PACSIN1: variants seen among roughly 807,000 people sequenced by gnomAD.
The protein encoded by PACSIN1 is protein kinase C and casein kinase substrate in neurons 1, also known as protein kinase C and casein kinase substrate in neurons protein 1.
In PACSIN1, 15 loss-of-function variants were observed where a neutral mutation model predicts 59.5. The ratio of observed to expected loss-of-function variants is 0.25; its 90% CI spans 0.17 to 0.39. The LOEUF is 0.39. Among genes scored for constraint, PACSIN1 ranks in the 10% least tolerant of loss-of-function variants. PACSIN1 has a pLI of 1.00. For synonymous variants in PACSIN1, 210 were observed against 220.6 expected, an observed-to-expected ratio of 0.95 and a Z score of 0.42; for missense variants, 420 against 580.2, an observed-to-expected ratio of 0.72 and a Z score of 2.84.
intron 1 of PACSIN1, among the ~76,000 whole-genome samples, chr6:34,510,261 C>T (rs1379297694): frequency 3.9e-5 from 6 of 152,238 alleles, no homozygotes; most frequent in African/African-American, 9.6e-5. Context: ...CACTTCTCCA[C>T]GTAAAAACCA....
chr6:34,521,889 C>T lies in PACSIN1; in HGVS notation c.-63-4354C>T, dbSNP rs1767398945. Reference sequence around the variant, plus strand: ...AGAGAGCCACACACGGTCTCACAGCCCATACATGAGAGAGCCAGGGTTTGA... The same window carrying T: ...AGAGAGCCACACACGGTCTCACAGCTCATACATGAGAGAGCCAGGGTTTGA... On this transcript the variant is annotated intron_variant, in intron 1 of 9. Coordinates refer to ENST00000244458, the MANE Select transcript of PACSIN1 (RefSeq NM_020804.5). The surrounding 1 kb of genome is among the most constrained non-coding windows in gnomAD (Gnocchi z 4.3). Among the ~76,000 whole-genome samples the T allele has an allele frequency of 6.6e-6, 1 of 152,128 alleles. No individual in the cohort carries two copies. Among genetic ancestry groups the T allele is most frequent in the East Asian group, 1.9e-4 (1 of 5,190 alleles).
chr6:34,530,648 G>A lies in PACSIN1; in HGVS notation c.1037+61G>A, dbSNP rs1309400507. ...GGGACCCACACTCTGGGGCAGCTGAGTTTTGCTTCAGAAGACAAGAAATGG... is the reference window on the plus strand; with the variant it reads ...GGGACCCACACTCTGGGGCAGCTGAATTTTGCTTCAGAAGACAAGAAATGG... On this transcript the variant is annotated intron_variant, in intron 8 of 9. Coordinates refer to ENST00000244458, the MANE Select transcript of PACSIN1 (RefSeq NM_020804.5). This position sits in a 1 kb window ranked among gnomAD's most constrained non-coding sequence, Gnocchi z 4.4. 3.9e-5 allele frequency: 57 copies of A among 1,463,300 alleles called. No individual in the cohort carries two copies. The highest frequency in any genetic ancestry group is 4.3e-5 in the Non-Finnish European group (47 of 1,103,454). 90.6% of individuals were successfully genotyped at this position (1,463,300 alleles called of 1,614,324 possible).
In PACSIN1 at chr6:34,529,563, G is replaced by A. The variant is rs1208960258; in HGVS notation, c.612+11G>A. The A allele has an allele frequency of 2.5e-6, 4 of 1,614,002 alleles. No homozygotes were observed. Among genetic ancestry groups the A allele is most frequent in the South Asian group, 2.2e-5 (2 of 91,082 alleles). On this transcript the variant is annotated intron_variant, in intron 5 of 9. Coordinates refer to ENST00000244458, the MANE Select transcript of PACSIN1 (RefSeq NM_020804.5). This position sits in a 1 kb window ranked among gnomAD's most constrained non-coding sequence, Gnocchi z 6.3. Reference sequence around the variant, plus strand: ...CAGGATGTGCAGAAGGTGCTGGCGGGCAGGGATGGCAGTAGGGGGTCTGGG... The same window carrying A: ...CAGGATGTGCAGAAGGTGCTGGCGGACAGGGATGGCAGTAGGGGGTCTGGG...
intron 1 of PACSIN1, among the ~76,000 whole-genome samples, chr6:34,475,804 T>C (rs894602559): frequency 7.2e-5 from 11 of 152,154 alleles, no homozygotes; most frequent in African/African-American, 2.2e-4. Context: ...CACAAGCCTG[T>C]GGGGATGGTA....
intron 1 of PACSIN1, among the ~76,000 whole-genome samples, chr6:34,483,440 G>A (rs1296459423): frequency 1.3e-5 from 2 of 152,228 alleles, no homozygotes; most frequent in South Asian, 2.1e-4. Context: ...GGACAGAGGA[G>A]GGGAGTGGCT....
At chr6:34,482,700 GAC>G in intron 1 of PACSIN1, among the ~76,000 whole-genome samples, 1 of 143,976 alleles carries the variant, frequency 6.9e-6, no homozygotes, top group East Asian at 2.1e-4. Flanking sequence ...TTTTTTTTGA[GAC>G]AGAGTCTCAC....
chr6:34,466,425 G>C (rs1766497376), intron 1 of PACSIN1, among the ~76,000 whole-genome samples, 155 bp downstream of exon 1: 1 of 152,218 alleles, frequency 6.6e-6, no homozygotes, highest in Non-Finnish European at 1.5e-5. Context: ...GCGGGTGCGC[G>C]TTCGGGGATG....
chr6:34,466,758 G>A lies in PACSIN1; in HGVS notation c.-64+488G>A, dbSNP rs143930213. Reference sequence around the variant, plus strand: ...TCCCCTACCCCTTCCCCCACAGCTGGGATGGGAGCGGGGAGGGGGGAGGAG... The same window carrying A: ...TCCCCTACCCCTTCCCCCACAGCTGAGATGGGAGCGGGGAGGGGGGAGGAG... On this transcript the variant is annotated intron_variant, in intron 1 of 9. Transcript: ENST00000244458. Among the ~76,000 whole-genome samples, 116 of 152,302 alleles carry A rather than the reference G, an allele frequency of 7.6e-4. 1 individual carries two copies. The highest frequency in any genetic ancestry group is 1.6e-3 in the African/African-American group (67 of 41,572).
intron 1 of PACSIN1, among the ~76,000 whole-genome samples, chr6:34,476,930 TG>T (rs1766646326): frequency 6.6e-6 from 1 of 152,174 alleles, no homozygotes; most frequent in South Asian, 2.1e-4. Context: ...GCCTTGGTAA[TG>T]GGCATCTATG....
Position 34,514,709 on chromosome 6 carries a change from C to T in PACSIN1, c.-63-11534C>T, listed in dbSNP as rs758473627. 1.3e-5 allele frequency among the ~76,000 whole-genome samples: 2 copies of T among 152,124 alleles called. No individual in the cohort carries two copies. Among genetic ancestry groups the T allele is most frequent in the African/African-American group, 2.4e-5 (1 of 41,422 alleles). On this transcript the variant is annotated intron_variant, in intron 1 of 9. Transcript: ENST00000244458. The surrounding 1 kb of genome is among the most constrained non-coding windows in gnomAD (Gnocchi z 4.4). ...GTGCCCATGTTGATGCGGCGCCGTGCGGGAGGCGGGCATCCCCTGCTGTAC... is the reference window on the plus strand; with the variant it reads ...GTGCCCATGTTGATGCGGCGCCGTGTGGGAGGCGGGCATCCCCTGCTGTAC...
intron 1 of PACSIN1, among the ~76,000 whole-genome samples, chr6:34,507,593 C>G (rs985696986): frequency 1.3e-5 from 2 of 151,122 alleles, no homozygotes; most frequent in African/African-American, 2.4e-5. Context: ...ACCCTTCTAA[C>G]AGAATCTTAA....
At chr6:34,480,789 T>C (rs1445945200) in intron 1 of PACSIN1, among the ~76,000 whole-genome samples, 1 of 152,184 alleles carries the variant, frequency 6.6e-6, no homozygotes, top group East Asian at 1.9e-4. Context: ...ATCTTCAATC[T>C]TATAGATAAT....
At chr6:34,471,851 C>T (rs1766574754) in intron 1 of PACSIN1, among the ~76,000 whole-genome samples, 1 of 152,116 alleles carries the variant, frequency 6.6e-6, no homozygotes, top group Non-Finnish European at 1.5e-5. Context: ...AAGTCAAGAC[C>T]TCTTTGTACG....
At chr6:34,517,077 C>T (rs1356789218) in intron 1 of PACSIN1, among the ~76,000 whole-genome samples, 3 of 152,200 alleles carry the variant, frequency 2.0e-5, no homozygotes, top group Non-Finnish European at 4.4e-5. Flanking sequence ...CCCATCCCCC[C>T]AACGCCGTTC....
chr6:34,531,657 T>G lies in PACSIN1; in HGVS notation c.1095T>G (p.Ser365Arg). The G allele has an allele frequency of 6.2e-7, 1 of 1,609,122 alleles. No homozygotes were observed. The highest frequency in any genetic ancestry group is 1.7e-5 in the Admixed American group (1 of 59,584). The change falls in exon 9 of 10, where the codon AGT (serine) becomes AGG (arginine). Residue 365 changes from serine to arginine, a missense_variant. By Grantham distance (110) the Ser-to-Arg change is moderately radical. Transcript: ENST00000244458. This position sits in a 1 kb window ranked among gnomAD's most constrained non-coding sequence, Gnocchi z 4.4. Reference sequence around the variant, plus strand: ...CCACCGAGTGGTCAGACGACGAGAGTGGGAACCCCTTTGGGGGCAGTGAGA... The same window carrying G: ...CCACCGAGTGGTCAGACGACGAGAGGGGGAACCCCTTTGGGGGCAGTGAGA... ...PYATEWSDDE[S>R]GNPFGGSETN...
intron 1 of PACSIN1, among the ~76,000 whole-genome samples, chr6:34,512,767 G>A (rs1480258042): frequency 6.6e-6 from 1 of 152,256 alleles, no homozygotes; most frequent in East Asian, 1.9e-4. Context: ...ACTTGACTAT[G>A]AAACTTTTAG....
intron 1 of PACSIN1, among the ~76,000 whole-genome samples, chr6:34,486,372 G>A (rs980935346): frequency 3.9e-5 from 6 of 152,128 alleles, no homozygotes; most frequent in African/African-American, 1.2e-4. Context: ...CATCATCCCC[G>A]CTTTGAAGAT....
chr6:34,522,219 C>T (rs1053524869), intron 1 of PACSIN1, among the ~76,000 whole-genome samples: 1 of 152,220 alleles, frequency 6.6e-6, no homozygotes, highest in Non-Finnish European at 1.5e-5. Flanking sequence ...TCGGCTGGAG[C>T]GAGGATTCAA....
chr6:34,530,284 G>A lies in PACSIN1; in HGVS notation c.830G>A (p.Gly277Glu), dbSNP rs1767568093. The change falls in exon 7 of 10, where the codon GGG (glycine) becomes GAG (glutamate). Residue 277 changes from glycine (G) to glutamate (E), a missense_variant. By Grantham distance (98) the Gly-to-Glu change is moderately conservative (BLOSUM62 -2). Transcript: ENST00000244458. The surrounding 1 kb of genome is among the most constrained non-coding windows in gnomAD (Gnocchi z 4.4). ...CGTGAGCTGGAGCAGGCCATCCGGGGGGCTGATGCCCAGGAAGACCTCAGA... is the reference window on the plus strand; with the variant it reads ...CGTGAGCTGGAGCAGGCCATCCGGGAGGCTGATGCCCAGGAAGACCTCAGA... ...VYRELEQAIR[G>E]ADAQEDLRWF... is the part of the protein sequence containing the mutation. 1.2e-6 allele frequency: 2 copies of A among 1,614,010 alleles called. No homozygotes were observed. The highest frequency in any genetic ancestry group is 3.3e-5 in the Admixed American group (2 of 60,004).
Sources: gnomAD v4.1 joint callset for allele counts (sites outside exome capture counted in the v4.1 genomes callset) on GRCh38, gnomAD v4.1.1 for gene constraint, Gnocchi (gnomAD v3.1) non-coding constraint, MANE v1.5 for transcripts, NCBI Gene and HGNC (gene_info 2026-07-23, HGNC 2026-07-21) for gene names.